The following SVEP1 variants were observed in gnomAD, a reference collection of about 807,000 sequenced individuals.
SVEP1 encodes the protein sushi, von Willebrand factor type A, EGF and pentraxin domain containing 1, also known as sushi, von Willebrand factor type A, EGF and pentraxin domain-containing protein 1.
A neutral mutation model predicts 367.3 loss-of-function variants in SVEP1; 164 were observed. The ratio of observed to expected loss-of-function variants is 0.45; its 90% CI spans 0.39 to 0.51. The LOEUF (loss-of-function observed/expected upper bound fraction) is 0.51. Among genes scored for constraint, SVEP1 ranks in the 20% least tolerant of loss-of-function variants. SVEP1 has a pLI of 0.00. For synonymous variants in SVEP1, 1,666 were observed against 1,611.6 expected (o/e 1.03, Z -0.81); for missense variants, 4,117 against 4,425.3 (o/e 0.93, Z 1.98).
intron 29 of SVEP1, 68 bp downstream of exon 29, chr9:110,435,170 TGTC>T: frequency 6.4e-7 from 1 of 1,552,836 alleles, no homozygotes; most frequent in Admixed American, 1.9e-5. Flanking sequence ...AATTCTGAAC[TGTC>T]TTCTTTTGCT....
At position 110,435,255 on chromosome 9, in the gene SVEP1, C is replaced by G; in HGVS notation, c.4874G>C (p.Ser1625Thr). ...GAAATTCTCACCAGAACAAAATATG[C>G]TCTTAGAATCGATCTTCACTTTCCC... ...IVGKVKIDSK[S>T]IFCSDCPRLG... Residue 1625 changes from serine (S) to threonine (T), a missense_variant, in exon 29 of 48, where the codon AGC becomes ACC. This residue lies in a region of SVEP1 where 2,174 missense variants were observed against 2,494.3 expected (regional missense o/e 0.87). Transcript: ENST00000374469. 1 of 1,613,054 alleles carries G rather than the reference C, an allele frequency of 6.2e-7. No individual in the cohort carries two copies. The highest frequency in any genetic ancestry group is 8.5e-7 in the Non-Finnish European group (1 of 1,179,274).
In SVEP1 at chr9:110,406,847, T is replaced by A; in HGVS notation, c.8753A>T (p.His2918Leu). ...GFMKEVTFHC[H>L]EGYILHGAPK... ...AGCACCGTGCAAGATGTAGCCCTCG[T>A]GACAGTGGAATGTTACTTCCTTCAT... The change falls in exon 38 of 48, where the codon CAC becomes CTC. Residue 2918 changes from histidine (H) to leucine (L), a missense_variant. Physicochemically the swap from His to Leu is moderately conservative, Grantham distance 99. Around this residue, in one of 4 missense-constraint regions of SVEP1, gnomAD observed 1,765 missense variants for 1,781.1 expected, o/e 0.99. Transcript: ENST00000374469. 1 of 1,613,994 alleles carries A rather than the reference T, an allele frequency of 6.2e-7. No homozygotes were observed. Among genetic ancestry groups the A allele is most frequent in the Non-Finnish European group, 8.5e-7 (1 of 1,179,890 alleles).
intron 1 of SVEP1, among the ~76,000 whole-genome samples, chr9:110,575,786 A>G (rs1564180861): frequency 7.0e-6 from 1 of 142,528 alleles, no homozygotes; most frequent in Non-Finnish European, 1.6e-5. Context: ...TTGCAAATCA[A>G]TAAGAGAGCC....
intron 18 of SVEP1, among the ~76,000 whole-genome samples, chr9:110,464,581 A>G (rs1828907469): frequency 6.6e-6 from 1 of 152,092 alleles, no homozygotes; most frequent in Non-Finnish European, 1.5e-5. Context: ...GAAGTTAAGC[A>G]TGGCTGGGTG....
At chr9:110,371,536 C>T (rs905177303) in intron 46 of SVEP1, among the ~76,000 whole-genome samples, 2 of 152,238 alleles carry the variant, frequency 1.3e-5, no homozygotes, top group South Asian at 2.1e-4. Flanking sequence ...CTGCTTATCA[C>T]TTCCCTTGTA....
chr9:110,398,421 A>G (rs1306530625), intron 40 of SVEP1, among the ~76,000 whole-genome samples: 1 of 152,218 alleles, frequency 6.6e-6, no homozygotes, highest in Non-Finnish European at 1.5e-5. Context: ...ACCATTCAGG[A>G]CATAGGCATG....
intron 7 of SVEP1, among the ~76,000 whole-genome samples, chr9:110,498,063 A>G (rs1829478528): frequency 2.6e-5 from 4 of 152,222 alleles, no homozygotes; most frequent in Admixed American, 2.6e-4. Flanking sequence ...TGCTCTCCAT[A>G]TCCTGTACAC....
chr9:110,515,710 T>C (rs1465887284), intron 3 of SVEP1, among the ~76,000 whole-genome samples: 1 of 152,192 alleles, frequency 6.6e-6, no homozygotes, highest in African/African-American at 2.4e-5. Context: ...AGTATTATTA[T>C]ATCCATTTTA....
At chr9:110,423,136 TAA>T (rs367835046) in intron 36 of SVEP1, among the ~76,000 whole-genome samples, 256 of 73,068 alleles carry the variant, frequency 3.5e-3, no homozygotes, top group African/African-American at 0.011. Flanking sequence ...ATAATAATAA[TAA>T]AAAAAAAATA....
Position 110,375,460 on chromosome 9 carries a change from ATTGCT to A in SVEP1, c.10505-2_10507del. 3.9e-6 allele frequency: 3 copies of A among 762,794 alleles called. No homozygotes were observed. The highest frequency in any genetic ancestry group is 2.0e-6 in the Non-Finnish European group (1 of 494,024). The allele number at this position is 762,794 out of a possible 1,614,324, so 47.3% of individuals were successfully genotyped here. On this transcript the variant is annotated splice_acceptor_variant and coding_sequence_variant, in exon 46 of 48. Transcript: ENST00000374469. LOFTEE classifies it high-confidence loss of function. The stretch of plus-strand genomic sequence containing the variant: ...TCCGTTCAGACAGGGAAGAATGCAG[ATTGCT>A]AAAAAAAAAAAAAAAAAAAAAAAAA...
intron 27 of SVEP1, among the ~76,000 whole-genome samples, chr9:110,436,773 A>G (rs1049072694): frequency 1.3e-5 from 2 of 152,190 alleles, no homozygotes; most frequent in Non-Finnish European, 2.9e-5. Context: ...TGCATATAAT[A>G]TTTTATGTTG....
chr9:110,523,321 C>T (rs1829901418), intron 3 of SVEP1, among the ~76,000 whole-genome samples: 1 of 152,132 alleles, frequency 6.6e-6, no homozygotes, highest in African/African-American at 2.4e-5. Context: ...TAATGGGAAA[C>T]ATTTTTGAAT....
intron 5 of SVEP1, among the ~76,000 whole-genome samples, chr9:110,512,609 C>A (rs1334083629): frequency 6.6e-6 from 1 of 152,160 alleles, no homozygotes; most frequent in Non-Finnish European, 1.5e-5. Flanking sequence ...AGTCTCCACT[C>A]TGATTATTCT....
chr9:110,424,292 T>TA (rs1203329860), intron 36 of SVEP1, among the ~76,000 whole-genome samples: 3 of 152,178 alleles, frequency 2.0e-5, no homozygotes, highest in Non-Finnish European at 2.9e-5. Flanking sequence ...GACAAGAAAA[T>TA]ACTGTCTATC....
intron 45 of SVEP1, chr9:110,377,009 T>C (rs1368567513): frequency 6.0e-6 from 2 of 330,620 alleles, no homozygotes. Context: ...ACAAGCTCCT[T>C]CTCAAGAAGA....
chr9:110,442,832 T>A (rs377415096), intron 27 of SVEP1: 3 of 152,214 alleles, frequency 2.0e-5, no homozygotes, highest in African/African-American at 7.2e-5. Context: ...CGCATTTTTA[T>A]GAAGTTTAGT....
At chr9:110,474,664 G>C (rs2118680409) in intron 14 of SVEP1, among the ~76,000 whole-genome samples, 1 of 152,236 alleles carries the variant, frequency 6.6e-6, no homozygotes, top group East Asian at 1.9e-4. Context: ...TAACAGAAGA[G>C]GGTTGATTAT....
chr9:110,529,996 C>A (rs1829997350), intron 3 of SVEP1, among the ~76,000 whole-genome samples: 1 of 126,650 alleles, frequency 7.9e-6, no homozygotes, highest in Non-Finnish European at 1.7e-5. Context: ...GTAGGTTTAT[C>A]ACATATGGCT....
intron 36 of SVEP1, 36 bp from the exon 37 acceptor site, chr9:110,411,771 A>G (rs1443071785): frequency 5.5e-6 from 8 of 1,446,874 alleles, no homozygotes; most frequent in Non-Finnish European, 7.3e-6. Flanking sequence ...ATAACTAAGC[A>G]TAATATTTGA....
Sources: allele counts gnomAD v4.1 joint callset (sites outside exome capture counted in the v4.1 genomes callset), GRCh38; gene constraint gnomAD v4.1.1; regional missense constraint gnomAD v4.1.1; transcripts MANE v1.5; gene names NCBI Gene and HGNC (gene_info 2026-07-23, HGNC 2026-07-21).